UNC80: variants seen among roughly 807,000 people sequenced by gnomAD.
The protein encoded by UNC80 is unc-80 subunit of NALCN channel complex.
A neutral mutation model predicts 384.6 loss-of-function variants in UNC80; 164 were observed. The observed-to-expected ratio is 0.43, with a 90% CI of 0.38 to 0.49. The LOEUF (loss-of-function observed/expected upper bound fraction) is 0.49, where lower values mean the gene tolerates loss of function less well. Ranked by LOEUF, UNC80 falls within the 20% of genes least tolerant of loss-of-function variation. UNC80 has a pLI of 0.00. For missense variants in UNC80, 3,330 were observed against 4,143.0 expected (o/e 0.80, Z 5.39); for synonymous variants, 1,486 against 1,527.8 (o/e 0.97, Z 0.64).
At chr2:209,886,089 C>T (rs1285664460) in intron 25 of UNC80, among the ~76,000 whole-genome samples, 1 of 151,792 alleles carries the variant, frequency 6.6e-6, no homozygotes, top group African/African-American at 2.4e-5. Context: ...TGATGAGAAT[C>T]AAAAGCATAA....
Position 209,771,946 on chromosome 2 carries a change from C to A in UNC80, c.-127C>A. The stretch of plus-strand genomic sequence containing the variant: ...AGGGGAGAGGCACGGGGGATCAGGG[C>A]GGAGAGAGCCGGCTCTGCCTCGGGG... On this transcript the variant is annotated 5_prime_UTR_variant, in exon 1 of 65. Coordinates refer to ENST00000673920, the MANE Select transcript of UNC80 (RefSeq NM_001371986.1). 1 of 696,814 alleles carries A rather than the reference C, an allele frequency of 1.4e-6. No individual in the cohort carries two copies. Among genetic ancestry groups the A allele is most frequent in the Non-Finnish European group, 2.6e-6 (1 of 384,152 alleles). 43.2% of individuals were successfully genotyped at this position (696,814 alleles called of 1,614,324 possible). A position where few individuals can be genotyped will look rare whatever the true frequency, so the allele number is the denominator to read the frequency against.
At chr2:209,787,280 C>G (rs1450718377) in intron 5 of UNC80, among the ~76,000 whole-genome samples, 1 of 148,990 alleles carries the variant, frequency 6.7e-6, no homozygotes, top group Non-Finnish European at 1.5e-5. Flanking sequence ...ATCTTAGTTT[C>G]CCACTGTTCC....
At chr2:209,928,639 G>A (rs2090617213) in intron 36 of UNC80, among the ~76,000 whole-genome samples, 1 of 152,064 alleles carries the variant, frequency 6.6e-6, no homozygotes, top group Non-Finnish European at 1.5e-5. Context: ...ATGGTAATTA[G>A]CATATCCTTC....
intron 22 of UNC80, among the ~76,000 whole-genome samples, chr2:209,871,892 A>G (rs1329199093): frequency 2.0e-5 from 3 of 151,288 alleles, no homozygotes; most frequent in Non-Finnish European, 4.4e-5. Context: ...TCATTTATCA[A>G]TTAATCTCCT....
At chr2:209,904,680 A>G (rs372028393) in intron 28 of UNC80, 85 bp from the exon 29 acceptor site, 1 of 1,185,608 alleles carries the variant, frequency 8.4e-7, no homozygotes, top group African/African-American at 1.5e-5. Context: ...TGACATTCTG[A>G]CTTCCCATCT....
chr2:209,855,913 T>G (rs2082878376), intron 22 of UNC80, among the ~76,000 whole-genome samples: 1 of 152,130 alleles, frequency 6.6e-6, no homozygotes, highest in African/African-American at 2.4e-5. Context: ...TTTAATTTTT[T>G]TCAAAATTCT....
chr2:209,898,912 A>T (rs185424606), intron 28 of UNC80, among the ~76,000 whole-genome samples: 187 of 152,200 alleles, frequency 1.2e-3, no homozygotes, highest in African/African-American at 4.3e-3. Flanking sequence ...TAACATAATG[A>T]TCTCCAGTTC....
intron 25 of UNC80, among the ~76,000 whole-genome samples, chr2:209,882,959 TAG>T (rs929454295): frequency 4.6e-5 from 7 of 152,214 alleles, no homozygotes; most frequent in African/African-American, 1.7e-4. Flanking sequence ...AACCTACAGT[TAG>T]TTAGCAAGAG....
intron 26 of UNC80, among the ~76,000 whole-genome samples, chr2:209,890,673 A>G (rs910119876): frequency 1.3e-5 from 2 of 152,222 alleles, no homozygotes; most frequent in South Asian, 2.1e-4. Context: ...CTTCTAAGCC[A>G]CAGTTCCCTT....
intron 61 of UNC80, among the ~76,000 whole-genome samples, chr2:209,988,557 ATATATCCTTTATGCAC>A (rs2093335136): frequency 6.6e-6 from 1 of 152,172 alleles, no homozygotes; most frequent in South Asian, 2.1e-4. Context: ...ACTTTATAAA[ATATATCCTTTATGCAC>A]TATATGCCTC....
At chr2:209,912,405 G>T (rs908786729) in intron 29 of UNC80, among the ~76,000 whole-genome samples, 155 bp from the exon 30 acceptor site, 2 of 152,024 alleles carry the variant, frequency 1.3e-5, no homozygotes, top group Non-Finnish European at 2.9e-5. Flanking sequence ...TAAATAAACT[G>T]CTTTTATAAA....
Position 209,817,940 on chromosome 2 carries a change from A to C in UNC80, c.1681A>C (p.Thr561Pro). 1 of 1,551,510 alleles carries C rather than the reference A, an allele frequency of 6.4e-7. No individual in the cohort carries two copies. Among genetic ancestry groups the C allele is most frequent in the Non-Finnish European group, 8.7e-7 (1 of 1,146,932 alleles). Reference sequence around the variant, plus strand: ...CCCCTCCAACAGCCATGGAGAAAACACCGTCAAGGAAGGTGGGTAGGAGGT... The same window carrying C: ...CCCCTCCAACAGCCATGGAGAAAACCCCGTCAAGGAAGGTGGGTAGGAGGT... The part of the protein sequence containing the change: ...PDPSNSHGEN[T>P]VKEVRSQIST... Residue 561 changes from threonine to proline, a missense_variant, in exon 11 of 65, where the codon ACC (threonine) becomes CCC (proline). Thr to Pro is a conservative substitution (Grantham distance 38, BLOSUM62 -1). Around this residue, in one of 8 missense-constraint regions of UNC80, gnomAD observed 937 missense variants for 1,026.8 expected, o/e 0.91. Coordinates refer to ENST00000673920, the MANE Select transcript of UNC80 (RefSeq NM_001371986.1).
chr2:209,849,348 A>T, intron 21 of UNC80, 103 bp from the exon 22 acceptor site: 4 of 1,334,428 alleles, frequency 3.0e-6, no homozygotes, highest in Admixed American at 4.5e-5. Context: ...TTTCTGGCCA[A>T]CACTGTAGAA....
intron 20 of UNC80, among the ~76,000 whole-genome samples, chr2:209,841,349 GTTGTTGTTT>G (rs1380513032): frequency 6.6e-6 from 1 of 151,982 alleles, no homozygotes; most frequent in Non-Finnish European, 1.5e-5. Flanking sequence ...TGTTGTTGTT[GTTGTTGTTT>G]TTGTTTTGTT....
chr2:209,959,102 G>C lies in UNC80; in HGVS notation c.7551-17G>C, dbSNP rs1445189573. The C allele has an allele frequency of 3.9e-6, 6 of 1,551,862 alleles. No homozygotes were observed. The Admixed American group carries it at 1.2e-4, about 30-fold the overall frequency. ...TCTTGCTCTAATAGTTATGTAGACT[G>C]TTTTTCTGACTCCCAGGTACCAGGA... is the stretch of plus-strand genomic sequence containing the variant. On this transcript the variant is annotated splice_polypyrimidine_tract_variant and intron_variant, in intron 49 of 64. Transcript: ENST00000673920.
chr2:209,924,127 G>A (rs1316557924), intron 35 of UNC80, among the ~76,000 whole-genome samples: 1 of 151,960 alleles, frequency 6.6e-6, no homozygotes, highest in Non-Finnish European at 1.5e-5. Flanking sequence ...AGTTTATGTT[G>A]ACTGCTTTTA....
chr2:209,786,316 T>C (rs904821467), intron 5 of UNC80, 127 bp downstream of exon 5: 1 of 1,231,830 alleles, frequency 8.1e-7, no homozygotes, highest in African/African-American at 1.5e-5. Context: ...GTTATTTAAG[T>C]GTCCTGATAT....
chr2:209,799,951 G>A (rs764397813), intron 7 of UNC80, among the ~76,000 whole-genome samples: 1 of 152,162 alleles, frequency 6.6e-6, no homozygotes, highest in African/African-American at 2.4e-5. Context: ...CTTTTTTGAT[G>A]TGCTGCTGCA....
Position 209,935,812 on chromosome 2 carries a change from G to A in UNC80, c.6273+4G>A, listed in dbSNP as rs550058061. The A allele has an allele frequency of 3.9e-6, 6 of 1,531,692 alleles. No individual in the cohort carries two copies. The African/African-American group carries it at 5.5e-5, about 14-fold the overall frequency. 94.9% of individuals were successfully genotyped at this position (1,531,692 alleles called of 1,614,324 possible). A position where few individuals can be genotyped will look rare whatever the true frequency, so the allele number is the denominator to read the frequency against. On this transcript the variant is annotated splice_donor_region_variant and intron_variant, in intron 40 of 64. Transcript: ENST00000673920. ...TCAATTTGAAGCCCTGTTGAAGGTA[G>A]GAATGACTTTTAACAGAAACAATTT...
Sources: allele counts gnomAD v4.1 joint callset (sites outside exome capture counted in the v4.1 genomes callset), GRCh38; gene constraint gnomAD v4.1.1; regional missense constraint gnomAD v4.1.1; transcripts MANE v1.5; gene names NCBI Gene and HGNC (gene_info 2026-07-23, HGNC 2026-07-21).